The following AAK1 variants were observed in gnomAD, a reference collection of about 807,000 sequenced individuals.
The protein encoded by AAK1 is AP2 associated kinase 1.
A neutral mutation model predicts 116.0 loss-of-function variants in AAK1; 37 were observed. The observed-to-expected ratio is 0.32, with a 90% confidence interval of 0.25 to 0.42. The LOEUF is 0.42. Among genes scored for constraint, AAK1 ranks in the 10% least tolerant of loss-of-function variants. The pLI is 1.00. For missense variants in AAK1, 919 were observed against 1,170.6 expected, an observed-to-expected ratio of 0.79 and a Z score of 3.14; for synonymous variants, 458 against 439.9, an observed-to-expected ratio of 1.04 and a Z score of -0.51.
intron 5 of AAK1, among the ~76,000 whole-genome samples, chr2:69,534,891 G>T (rs151153271): frequency 2.4e-4 from 36 of 152,260 alleles, no homozygotes; most frequent in African/African-American, 8.4e-4. Flanking sequence ...ACTGTGGGTT[G>T]GTATTTAACT....
At chr2:69,519,536 C>T (rs1669665933) in intron 11 of AAK1, among the ~76,000 whole-genome samples, 1 of 152,212 alleles carries the variant, frequency 6.6e-6, no homozygotes, top group African/African-American at 2.4e-5. Flanking sequence ...CCCCAAATGT[C>T]TACATATTCA....
chr2:69,555,751 AAT>A (rs1411685568), intron 3 of AAK1, among the ~76,000 whole-genome samples: 1 of 152,216 alleles, frequency 6.6e-6, no homozygotes, highest in Non-Finnish European at 1.5e-5. Context: ...CAGGTTAAGC[AAT>A]ATAATTGGTA....
chr2:69,624,906 A>C (rs939249036), intron 2 of AAK1, among the ~76,000 whole-genome samples: 2 of 152,216 alleles, frequency 1.3e-5, no homozygotes, highest in African/African-American at 4.8e-5. Flanking sequence ...AGAGACTGAG[A>C]AGGGAGGGTT....
rs921093496 is a variant in AAK1, at chr2:69,471,127, G to C, written c.*4742C>G. On this transcript the variant is annotated 3_prime_UTR_variant, in exon 22 of 22. Transcript: ENST00000409085. Reference sequence around the variant, plus strand: ...ATAAACACACATCCACATGACAAAGGAGAGTGCAATAGGGCAGAGTAGAAT... The same window carrying C: ...ATAAACACACATCCACATGACAAAGCAGAGTGCAATAGGGCAGAGTAGAAT... The C allele has an allele frequency of 7.1e-6, 7 of 985,632 alleles. No homozygotes were observed. The highest frequency in any genetic ancestry group is 7.2e-6 in the Non-Finnish European group (6 of 829,942). 61.1% of individuals were successfully genotyped at this position (985,632 alleles called of 1,614,324 possible). A position where few individuals can be genotyped will look rare whatever the true frequency, so the allele number is the denominator to read the frequency against.
At chr2:69,528,327 A>G (rs900381973) in intron 8 of AAK1, among the ~76,000 whole-genome samples, 2 of 152,110 alleles carry the variant, frequency 1.3e-5, no homozygotes, top group African/African-American at 4.8e-5. Flanking sequence ...CTAATCAGGG[A>G]CATGAGAGGT....
At chr2:69,581,256 G>A (rs1284995578) in intron 2 of AAK1, among the ~76,000 whole-genome samples, 1 of 152,144 alleles carries the variant, frequency 6.6e-6, no homozygotes. Context: ...TGGGATTACA[G>A]GCACACGCCA....
intron 16 of AAK1, among the ~76,000 whole-genome samples, chr2:69,499,626 T>G (rs1185531071): frequency 2.6e-5 from 4 of 152,234 alleles, no homozygotes; most frequent in Non-Finnish European, 4.4e-5. Flanking sequence ...TATAATTTTG[T>G]TATTAAAGTG....
chr2:69,617,150 T>G (rs138918990), intron 2 of AAK1, among the ~76,000 whole-genome samples: 1 of 152,102 alleles, frequency 6.6e-6, no homozygotes, highest in African/African-American at 2.4e-5. Context: ...CTAATCTCAG[T>G]CAAGAACAAC....
chr2:69,626,028 C>T (rs997528613), intron 2 of AAK1, among the ~76,000 whole-genome samples: 8 of 152,180 alleles, frequency 5.3e-5, no homozygotes, highest in African/African-American at 1.9e-4. Flanking sequence ...TTCCTTCTCT[C>T]CTTCCTTCCA....
At chr2:69,487,431 C>G (rs1675339564) in intron 17 of AAK1, among the ~76,000 whole-genome samples, 1 of 152,196 alleles carries the variant, frequency 6.6e-6, no homozygotes, top group African/African-American at 2.4e-5. Context: ...ATGTAGGAAA[C>G]TGTAGAAGTG....
At chr2:69,565,635 G>T (rs565328137) in intron 2 of AAK1, among the ~76,000 whole-genome samples, 1 of 152,386 alleles carries the variant, frequency 6.6e-6, no homozygotes, top group Admixed American at 6.5e-5. Flanking sequence ...GAAGGGAGAA[G>T]AGAAATGGCA....
In AAK1 at chr2:69,467,430, T is replaced by C. The variant is rs75526916; in HGVS notation, c.*8439A>G. On this transcript the variant is annotated 3_prime_UTR_variant, in exon 22 of 22. Coordinates refer to ENST00000409085, the MANE Select transcript of AAK1 (RefSeq NM_014911.5). The stretch of plus-strand genomic sequence containing the variant: ...AGAGAGCTTACCTTCCAAGAAATAT[T>C]AGCAGGTTAGAAGTATGTCATTGGG... The C allele has an allele frequency of 2.6e-4, 252 of 985,380 alleles. No homozygotes were observed. The highest frequency in any genetic ancestry group is 2.8e-4 in the Non-Finnish European group (236 of 829,924). The allele number at this position is 985,380 out of a possible 1,614,324, so 61.0% of individuals were successfully genotyped here.
chr2:69,481,675 C>T (rs1175500665), intron 18 of AAK1: 1 of 152,222 alleles, frequency 6.6e-6, no homozygotes, highest in African/African-American at 2.4e-5. Context: ...TCTTGCCTGC[C>T]TTGCTGTTGG....
Position 69,471,087 on chromosome 2 carries a change from C to T in AAK1, c.*4782G>A, listed in dbSNP as rs927205784. The T allele has an allele frequency of 1.3e-5, 13 of 985,580 alleles. No homozygotes were observed. The highest frequency in any genetic ancestry group is 1.2e-5 in the Non-Finnish European group (10 of 829,928). 61.1% of individuals were successfully genotyped at this position (985,580 alleles called of 1,614,324 possible). A position where few individuals can be genotyped will look rare whatever the true frequency, so the allele number is the denominator to read the frequency against. ...ATGCTTTGTCTTCTTGGGAAGGACGCGTTAAAGACCTATGATAAACACACA... is the reference window on the plus strand; with the variant it reads ...ATGCTTTGTCTTCTTGGGAAGGACGTGTTAAAGACCTATGATAAACACACA... On this transcript the variant is annotated 3_prime_UTR_variant, in exon 22 of 22. Transcript: ENST00000409085.
intron 17 of AAK1, among the ~76,000 whole-genome samples, chr2:69,494,682 G>T (rs1382211521): frequency 6.6e-6 from 1 of 152,092 alleles, no homozygotes; most frequent in Non-Finnish European, 1.5e-5. Flanking sequence ...AGTACTGCCA[G>T]GCATACCTGA....
chr2:69,533,442 T>C (rs907415659), intron 5 of AAK1, among the ~76,000 whole-genome samples: 2 of 152,192 alleles, frequency 1.3e-5, no homozygotes, highest in African/African-American at 4.8e-5. Flanking sequence ...TAGTCTCTAA[T>C]TTCTATACTT....
In AAK1 at chr2:69,619,629, G is replaced by C. The variant is rs1401234642; in HGVS notation, c.163+23249C>G. Among the ~76,000 whole-genome samples, 5 of 152,164 alleles carry C rather than the reference G, an allele frequency of 3.3e-5. No homozygotes were observed. The East Asian group carries it at 9.6e-4, about 29-fold the overall frequency. On this transcript the variant is annotated intron_variant, in intron 2 of 21. Coordinates refer to ENST00000409085, the MANE Select transcript of AAK1 (RefSeq NM_014911.5). Reference sequence around the variant, plus strand: ...AGAGCCAAAGCAGGGAAGAGGGAGGGAGTGCTGCCGGGAGGGAGGGGTTGC... The same window carrying C: ...AGAGCCAAAGCAGGGAAGAGGGAGGCAGTGCTGCCGGGAGGGAGGGGTTGC...
rs191414270 is a variant in AAK1, at chr2:69,613,468, G to T, written c.163+29410C>A. On this transcript the variant is annotated intron_variant, in intron 2 of 21. Transcript: ENST00000409085. ...AAATGGCTAGTGGCTGGGCTTCCTA[G>T]GTAGCTTCCGGATGGGGGCTGGTTG... Among the ~76,000 whole-genome samples the T allele has an allele frequency of 2.6e-5, 4 of 152,234 alleles. No individual in the cohort carries two copies. In the East Asian group the frequency reaches 7.7e-4, roughly 29 times the overall value.
chr2:69,475,388 T>G lies in AAK1; in HGVS notation c.*481A>C, dbSNP rs993086819. 1.0e-6 allele frequency: 1 copy of G among 989,868 alleles called. No individual in the cohort carries two copies. The highest frequency in any genetic ancestry group is 1.7e-5 in the African/African-American group (1 of 57,280). The allele number at this position is 989,868 out of a possible 1,614,324, so 61.3% of individuals were successfully genotyped here. A position where few individuals can be genotyped will look rare whatever the true frequency, so the allele number is the denominator to read the frequency against. On this transcript the variant is annotated 3_prime_UTR_variant, in exon 22 of 22. Transcript: ENST00000409085. ...TGCCTAGAGTTAAGACCAACTGAAG[T>G]AGCCATGTCCTCATGATAATGCATC...
Sources: allele counts gnomAD v4.1 joint callset (sites outside exome capture counted in the v4.1 genomes callset), GRCh38; gene constraint gnomAD v4.1.1; transcripts MANE v1.5; gene names NCBI Gene and HGNC (gene_info 2026-07-23, HGNC 2026-07-21).